EIF3D: variants seen among roughly 807,000 people sequenced by gnomAD.
The protein encoded by EIF3D is eIF3 p66.
In EIF3D, 10 loss-of-function variants were observed where a neutral mutation model predicts 75.4. The observed-to-expected ratio is 0.13, with a 90% CI of 0.08 to 0.22. The LOEUF is 0.22. Ranked by LOEUF, EIF3D falls within the 10% of genes least tolerant of loss-of-function variation. The probability of loss-of-function intolerance (pLI) is 1.00; values close to 1 mark genes in which losing one functional copy is unlikely to be tolerated. For synonymous variants in EIF3D, 246 were observed against 248.3 expected (o/e 0.99, Z 0.09); for missense variants, 394 against 708.0 (o/e 0.56, Z 5.03).
intron 12 of EIF3D, among the ~76,000 whole-genome samples, chr22:36,513,504 T>A (rs1015742211): frequency 6.6e-6 from 1 of 152,152 alleles, no homozygotes; most frequent in African/African-American, 2.4e-5. Context: ...GGTTTCATCA[T>A]GTTGGCCAGG....
Position 36,511,000 on chromosome 22 carries a change from T to C in EIF3D, c.1634A>G (p.Glu545Gly), listed in dbSNP as rs1433047626. Residue 545 changes from glutamate to glycine, a missense_variant and splice_region_variant, in exon 15 of 15, where the codon GAG becomes GGG. By Grantham distance (98) the Glu-to-Gly change is moderately conservative (BLOSUM62 -2). Coordinates refer to ENST00000216190, the MANE Select transcript of EIF3D (RefSeq NM_003753.4). ...CACATCACTGGTTTAAGTTTCTTCC[T>C]CTGAAAGACACAAAAAATGTAAGAG... ...EEEEEEEEEE[E>G]EET 1 of 1,607,698 alleles carries C rather than the reference T, an allele frequency of 6.2e-7. No homozygotes were observed. Among genetic ancestry groups the C allele is most frequent in the Admixed American group, 1.7e-5 (1 of 57,904 alleles).
intron 6 of EIF3D, 158 bp downstream of exon 6, chr22:36,523,051 A>G: frequency 1.6e-6 from 1 of 643,034 alleles, no homozygotes; most frequent in Non-Finnish European, 2.9e-6. Flanking sequence ...GAGGGTGATG[A>G]AAATGGTCTG....
At chr22:36,519,605 T>C (rs1033629249) in intron 7 of EIF3D, 68 bp from the exon 8 acceptor site, 9 of 1,600,190 alleles carry the variant, frequency 5.6e-6, no homozygotes, top group Admixed American at 3.4e-5. Flanking sequence ...TTTTAAGCCA[T>C]ACATCCAGAA....
chr22:36,512,693 T>C (rs923351394), intron 12 of EIF3D, 91 bp from the exon 13 acceptor site: 2 of 1,464,686 alleles, frequency 1.4e-6, no homozygotes, highest in East Asian at 2.4e-5. Flanking sequence ...CTCCCTAGTC[T>C]GCTTGCTTAG....
rs1278017868 is a variant in EIF3D at position 36,517,281 on chromosome 22, C to T, written c.990+20G>A. 1.9e-6 allele frequency: 3 copies of T among 1,613,538 alleles called. No homozygotes were observed. The highest frequency in any genetic ancestry group is 2.5e-6 in the Non-Finnish European group (3 of 1,179,754). On this transcript the variant is annotated intron_variant, in intron 10 of 14. Coordinates refer to ENST00000216190, the MANE Select transcript of EIF3D (RefSeq NM_003753.4). The stretch of plus-strand genomic sequence containing the variant: ...TGATTAAATAAGAATGAATCAATGC[C>T]CAGAGACTCGTTTCCTCACCATTCT...
intron 11 of EIF3D, 42 bp from the exon 12 acceptor site, chr22:36,516,649 T>G: frequency 6.2e-7 from 1 of 1,614,010 alleles, no homozygotes; most frequent in South Asian, 1.1e-5. Flanking sequence ...GGGGATTCTA[T>G]AGAGTGGGGC....
rs370478596 is a variant in EIF3D at position 36,517,326 on chromosome 22, T to C, written c.965A>G (p.Asn322Ser). 5 of 1,613,598 alleles carry C rather than the reference T, an allele frequency of 3.1e-6. No homozygotes were observed. The highest frequency in any genetic ancestry group is 1.3e-5 in the African/African-American group (1 of 74,848). ...LAMEATYINH[N>S]FSQQCLRMGK... ...CATTCTCAAGCACTGCTGGGAGAAA[T>C]TGTGGTTGATGTAGGTTGCCTCCAT... The change falls in exon 10 of 15, where the codon AAT (asparagine) becomes AGT (serine). Residue 322 changes from asparagine to serine, a missense_variant. Physicochemically the swap from Asn to Ser is conservative, Grantham distance 46 (BLOSUM62 1). Transcript: ENST00000216190.
intron 1 of EIF3D, 123 bp from the exon 2 acceptor site, chr22:36,526,254 C>A (rs954226254): frequency 9.4e-7 from 1 of 1,061,810 alleles, no homozygotes; most frequent in South Asian, 2.2e-5. Flanking sequence ...CAAAATGGAA[C>A]CCTCAACTGT....
intron 1 of EIF3D, among the ~76,000 whole-genome samples, chr22:36,527,486 C>T (rs1934623587): frequency 6.6e-6 from 1 of 152,216 alleles, no homozygotes; most frequent in Non-Finnish European, 1.5e-5. Context: ...CATTTATCTT[C>T]CGTTGTAACC....
chr22:36,515,908 G>C (rs1934418401), intron 12 of EIF3D, among the ~76,000 whole-genome samples: 1 of 151,482 alleles, frequency 6.6e-6, no homozygotes, highest in African/African-American at 2.4e-5. Context: ...GGGGCGGATT[G>C]GGAGGGGTGG....
rs750046602 is a variant in EIF3D, at chr22:36,526,046, G to A, written c.76C>T (p.Arg26Trp). The A allele has an allele frequency of 3.1e-6, 5 of 1,613,610 alleles. No individual in the cohort carries two copies. The highest frequency in any genetic ancestry group is 1.1e-5 in the South Asian group (1 of 90,970). The change falls in exon 2 of 15, where the codon CGG becomes TGG. Residue 26 changes from arginine to tryptophan, a missense_variant. Arg to Trp is a moderately radical substitution (Grantham distance 101). Coordinates refer to ENST00000216190, the MANE Select transcript of EIF3D (RefSeq NM_003753.4). ...WGPCAVPEQF[R>W]DMPYQPFSKG... is the part of the protein sequence containing the mutation. ...CTGAACGGCTGGTAGGGCATATCCC[G>A]AAACTGCTCGGGAACCGCACAGGGA...
At chr22:36,525,838 T>C in intron 2 of EIF3D, 129 bp from the exon 3 acceptor site, 1 of 1,443,280 alleles carries the variant, frequency 6.9e-7, no homozygotes, top group Non-Finnish European at 9.5e-7. Flanking sequence ...CCTCTGTAAG[T>C]GCCCAGCTCT....
chr22:36,519,339 C>T (rs970538367), intron 8 of EIF3D, 66 bp downstream of exon 8: 7 of 1,598,888 alleles, frequency 4.4e-6, no homozygotes, highest in Non-Finnish European at 6.0e-6. Flanking sequence ...GTTCTTTCTG[C>T]AGCTTCAGCT....
At chr22:36,514,348 G>A (rs907512316) in intron 12 of EIF3D, among the ~76,000 whole-genome samples, 2 of 151,694 alleles carry the variant, frequency 1.3e-5, no homozygotes, top group Non-Finnish European at 2.9e-5. Context: ...CCCTTGCAGA[G>A]TCTCCTCCCC....
chr22:36,516,696 G>T lies in EIF3D; in HGVS notation c.1076+9C>A, dbSNP rs754331738. The T allele has an allele frequency of 1.2e-6, 2 of 1,614,190 alleles. No individual in the cohort carries two copies. The highest frequency in any genetic ancestry group is 2.2e-5 in the South Asian group (2 of 91,082). On this transcript the variant is annotated intron_variant, in intron 11 of 14. Transcript: ENST00000216190. ...TCTGGCCACAATACCCACCAGAGAG[G>T]TGACCTACCGGTACGCAACAGAGGC...
At chr22:36,520,518 C>G in intron 7 of EIF3D, 58 bp downstream of exon 7, 1 of 1,240,500 alleles carries the variant, frequency 8.1e-7, no homozygotes, top group Middle Eastern at 1.9e-4. Flanking sequence ...AAATACCCAT[C>G]ACCAGCTGGT....
At chr22:36,526,174 C>T (rs1232323930) in intron 1 of EIF3D, 43 bp from the exon 2 acceptor site, 2 of 1,541,128 alleles carry the variant, frequency 1.3e-6, no homozygotes, top group African/African-American at 1.4e-5. Context: ...GAACGAAGGC[C>T]TCAGAGTACA....
intron 13 of EIF3D, 21 bp from the exon 14 acceptor site, chr22:36,511,807 A>G: frequency 6.2e-7 from 1 of 1,608,316 alleles, no homozygotes; most frequent in South Asian, 1.1e-5. Context: ...AAGGGATATC[A>G]GTGGTCAGAG....
At position 36,529,159 on chromosome 22, in the gene EIF3D, G is replaced by C; in HGVS notation, c.-94C>G. 2.5e-6 allele frequency: 1 copy of C among 397,592 alleles called. No homozygotes were observed. Among genetic ancestry groups the C allele is most frequent in the Non-Finnish European group, 4.4e-6 (1 of 225,528 alleles). The allele number at this position is 397,592 out of a possible 1,614,324, so 24.6% of individuals were successfully genotyped here. A position where few individuals can be genotyped will look rare whatever the true frequency, so the allele number is the denominator to read the frequency against. ...AGCAGCAGCACTCTTGAGAAACCAGGAAAAGAGGAAACATGCGCGCGCAGC... is the reference window on the plus strand; with the variant it reads ...AGCAGCAGCACTCTTGAGAAACCAGCAAAAGAGGAAACATGCGCGCGCAGC... On this transcript the variant is annotated 5_prime_UTR_variant, in exon 1 of 15. Transcript: ENST00000216190.
Sources: gnomAD v4.1 joint callset for allele counts (sites outside exome capture counted in the v4.1 genomes callset) on GRCh38, gnomAD v4.1.1 for gene constraint, MANE v1.5 for transcripts, NCBI Gene and HGNC (gene_info 2026-07-23, HGNC 2026-07-21) for gene names.